IQCH: variants seen among roughly 807,000 people sequenced by gnomAD.
The protein encoded by IQCH is IQ domain-containing protein H.
A neutral mutation model predicts 117.0 loss-of-function variants in IQCH; 98 were observed. That is an observed-to-expected ratio of 0.84 (90% CI 0.71 to 0.99). IQCH has a LOEUF of 0.99. IQCH is among the 50% of genes least tolerant of loss of function. The pLI is 0.00. For missense variants in IQCH, 1,102 were observed against 1,243.8 expected, an observed-to-expected ratio of 0.89 and a Z score of 1.72; for synonymous variants, 412 against 448.2, an observed-to-expected ratio of 0.92 and a Z score of 1.02.
intron 10 of IQCH, among the ~76,000 whole-genome samples, chr15:67,382,830 T>G (rs771935327): frequency 5.9e-5 from 9 of 152,338 alleles, no homozygotes; most frequent in African/African-American, 2.2e-4. Context: ...TATCCCAAAG[T>G]GCAATGTCTC....
chr15:67,280,652 C>T (rs1966315704), intron 4 of IQCH, among the ~76,000 whole-genome samples: 1 of 152,060 alleles, frequency 6.6e-6, no homozygotes, highest in Non-Finnish European at 1.5e-5. Flanking sequence ...AATACCATTA[C>T]ATTGGGTTAG....
rs1697968385 is a variant in IQCH at position 67,376,507 on chromosome 15, A to G, written c.1372+3074A>G. 2.0e-5 allele frequency among the ~76,000 whole-genome samples: 3 copies of G among 152,328 alleles called. No individual in the cohort carries two copies. The South Asian group carries it at 6.2e-4, about 32-fold the overall frequency. On this transcript the variant is annotated intron_variant, in intron 10 of 20. Transcript: ENST00000335894. The surrounding 1 kb of genome is among the most constrained non-coding windows in gnomAD (Gnocchi z 5.0). ...CCTTGTCCTCTTTTTCTCTTGCCAT[A>G]GGAAATTTGCTGTAGAATTAGCTCT...
chr15:67,395,236 G>T lies in IQCH; in HGVS notation c.1633-55G>T, dbSNP rs1971422798. ...TTATGTGCAACATTATAAATTAGGT[G>T]TATGGACTAGAAAAAAGGACACCTT... On this transcript the variant is annotated intron_variant, in intron 12 of 20. Transcript: ENST00000335894. This position sits in a 1 kb window ranked among gnomAD's most constrained non-coding sequence, Gnocchi z 4.0. 6 of 1,541,830 alleles carry T rather than the reference G, an allele frequency of 3.9e-6. No homozygotes were observed. The highest frequency in any genetic ancestry group is 2.3e-5 in the East Asian group (1 of 44,288).
In IQCH at chr15:67,457,248, ATTGAAAATTCTTACAG is replaced by A. The variant is rs1277929938; in HGVS notation, c.2506-7877_2506-7862del. Among the ~76,000 whole-genome samples, 1 of 152,364 alleles carries A rather than the reference ATTGAAAATTCTTACAG, an allele frequency of 6.6e-6. No individual in the cohort carries two copies. Among genetic ancestry groups the A allele is most frequent in the South Asian group, 2.1e-4 (1 of 4,820 alleles). Reference sequence around the variant, plus strand: ...CCATAATCACATTAGTATTTTACTAATTGAAAATTCTTACAGTGGGGTGTACCAACTCCTTTAAAAT... The same window carrying A: ...CCATAATCACATTAGTATTTTACTAATGGGGTGTACCAACTCCTTTAAAAT... On this transcript the variant is annotated intron_variant, in intron 16 of 20. Coordinates refer to ENST00000335894, the MANE Select transcript of IQCH (RefSeq NM_001031715.3). This position sits in a 1 kb window ranked among gnomAD's most constrained non-coding sequence, Gnocchi z 5.7.
chr15:67,262,990 G>A (rs1461530999), intron 2 of IQCH, 132 bp from the exon 3 acceptor site: 1 of 650,574 alleles, frequency 1.5e-6, no homozygotes, highest in Non-Finnish European at 2.7e-6. Context: ...TGATACCTTA[G>A]GCACGTAATA....
At chr15:67,292,547 A>G (rs1966787824) in intron 4 of IQCH, among the ~76,000 whole-genome samples, 1 of 152,130 alleles carries the variant, frequency 6.6e-6, no homozygotes, top group Non-Finnish European at 1.5e-5. Flanking sequence ...GCCAGCTCCC[A>G]GGCTTCATTA....
At chr15:67,379,362 A>G (rs1970843498) in intron 10 of IQCH, among the ~76,000 whole-genome samples, 1 of 152,258 alleles carries the variant, frequency 6.6e-6, no homozygotes, top group South Asian at 2.1e-4. Flanking sequence ...GGAATCTACA[A>G]TCATATTAAT....
rs757368706 is a variant in IQCH, at chr15:67,372,358, C to G, written c.1001C>G (p.Thr334Arg). 1 of 1,613,958 alleles carries G rather than the reference C, an allele frequency of 6.2e-7. No individual in the cohort carries two copies. The highest frequency in any genetic ancestry group is 1.1e-5 in the South Asian group (1 of 91,070). Residue 334 changes from threonine (T) to arginine (R), a missense_variant, in exon 9 of 21, where the codon ACG (threonine) becomes AGG (arginine). Physicochemically the swap from Thr to Arg is moderately conservative, Grantham distance 71. Coordinates refer to ENST00000335894, the MANE Select transcript of IQCH (RefSeq NM_001031715.3). Reference sequence around the variant, plus strand: ...GCCCTCCTTCCAGAGTTTGAGCTGACGAATAAACTTACCAGATATGACCTT... The same window carrying G: ...GCCCTCCTTCCAGAGTTTGAGCTGAGGAATAAACTTACCAGATATGACCTT... ...LVALLPEFEL[T>R]NKLTRYDLLS...
intron 3 of IQCH, among the ~76,000 whole-genome samples, chr15:67,267,932 A>G (rs928847111): frequency 3.9e-5 from 6 of 152,194 alleles, no homozygotes; most frequent in African/African-American, 9.6e-5. Context: ...TAATATTTTC[A>G]TAACACCCTT....
chr15:67,272,617 G>A (rs913953306), intron 3 of IQCH, among the ~76,000 whole-genome samples: 3 of 152,178 alleles, frequency 2.0e-5, no homozygotes, highest in Admixed American at 6.5e-5. Context: ...CCAATGTTGC[G>A]TGCATAGACA....
rs1452475420 is a variant in IQCH at position 67,456,620 on chromosome 15, A to G, written c.2506-8507A>G. Among the ~76,000 whole-genome samples, 1 of 152,218 alleles carries G rather than the reference A, an allele frequency of 6.6e-6. No homozygotes were observed. Among genetic ancestry groups the G allele is most frequent in the Non-Finnish European group, 1.5e-5 (1 of 68,044 alleles). On this transcript the variant is annotated intron_variant, in intron 16 of 20. Transcript: ENST00000335894. The surrounding 1 kb of genome is among the most constrained non-coding windows in gnomAD (Gnocchi z 5.1). Reference sequence around the variant, plus strand: ...AGGATAATCATGGAATATGATTTAGACATAACTGTATTAGTATTGTGTTGT... The same window carrying G: ...AGGATAATCATGGAATATGATTTAGGCATAACTGTATTAGTATTGTGTTGT...
chr15:67,421,677 G>A, intron 16 of IQCH, 100 bp downstream of exon 16: 2 of 1,199,456 alleles, frequency 1.7e-6, no homozygotes, highest in Non-Finnish European at 1.2e-6. Flanking sequence ...CTTCTAAAAT[G>A]CACTGATTCT....
chr15:67,496,880 C>T lies in IQCH; in HGVS notation c.2970+2514C>T, dbSNP rs921568479. On this transcript the variant is annotated intron_variant, in intron 20 of 20. Transcript: ENST00000335894. The surrounding 1 kb of genome is among the most constrained non-coding windows in gnomAD (Gnocchi z 4.4). ...AAAAATACAAAAAATTAGCCGGGCA[C>T]GGTGGCGGGCGCCTGTAGTCCCAGC... Among the ~76,000 whole-genome samples the T allele has an allele frequency of 2.5e-4, 38 of 150,314 alleles. No homozygotes were observed. Among genetic ancestry groups the T allele is most frequent in the Non-Finnish European group, 5.2e-4 (35 of 67,566 alleles).
At chr15:67,270,931 A>G (rs1965871393) in intron 3 of IQCH, among the ~76,000 whole-genome samples, 1 of 152,202 alleles carries the variant, frequency 6.6e-6, no homozygotes. Context: ...AAAGTGATGT[A>G]TCACATTGAT....
intron 4 of IQCH, among the ~76,000 whole-genome samples, chr15:67,333,816 G>A (rs1968775667): frequency 6.6e-6 from 1 of 152,046 alleles, no homozygotes; most frequent in Non-Finnish European, 1.5e-5. Context: ...CAACACTTTG[G>A]GAGGCCAAGG....
chr15:67,259,500 A>T (rs1419711729), intron 1 of IQCH, among the ~76,000 whole-genome samples: 1 of 152,208 alleles, frequency 6.6e-6, no homozygotes, highest in Admixed American at 6.5e-5. Flanking sequence ...GCTGCCTTTT[A>T]TTGAGTTCTT....
chr15:67,323,762 C>T (rs1170528322), intron 4 of IQCH, among the ~76,000 whole-genome samples: 3 of 151,870 alleles, frequency 2.0e-5, no homozygotes, highest in African/African-American at 7.3e-5. Context: ...TCGTTATCAT[C>T]TACTTTACAT....
intron 5 of IQCH, 24 bp from the exon 6 acceptor site, chr15:67,344,039 C>T (rs1040331697): frequency 1.2e-6 from 2 of 1,604,054 alleles, no homozygotes; most frequent in Non-Finnish European, 1.7e-6. Context: ...ATTAAACTCA[C>T]ATTTTATTAA....
rs1368897638 is a variant in IQCH at position 67,483,740 on chromosome 15, T to C, written c.2800-6263T>C. 4.6e-5 allele frequency among the ~76,000 whole-genome samples: 7 copies of C among 152,148 alleles called. No individual in the cohort carries two copies. The East Asian group carries it at 1.3e-3, about 29-fold the overall frequency. On this transcript the variant is annotated intron_variant, in intron 18 of 20. Coordinates refer to ENST00000335894, the MANE Select transcript of IQCH (RefSeq NM_001031715.3). ...TCAAAACTGTCAAACTGTTTGAGACTTGAGATCCAAAATCCTAGAACAAGG... is the reference window on the plus strand; with the variant it reads ...TCAAAACTGTCAAACTGTTTGAGACCTGAGATCCAAAATCCTAGAACAAGG...
Sources: gnomAD v4.1 joint callset for allele counts (sites outside exome capture counted in the v4.1 genomes callset) on GRCh38, gnomAD v4.1.1 for gene constraint, Gnocchi (gnomAD v3.1) non-coding constraint, MANE v1.5 for transcripts, NCBI Gene and HGNC (gene_info 2026-07-23, HGNC 2026-07-21) for gene names.